The following ATE1 variants were observed in gnomAD, a reference collection of about 807,000 sequenced individuals.
ATE1 encodes the protein arginyltransferase 1, also known as arginyl-tRNA--protein transferase 1.
In ATE1, 36 loss-of-function variants were observed where a neutral mutation model predicts 70.5. The observed-to-expected ratio is 0.51, with a 90% CI of 0.39 to 0.67. The LOEUF is 0.67. Among genes scored for constraint, ATE1 ranks in the 30% least tolerant of loss-of-function variants. The pLI is 0.00. For synonymous variants in ATE1, 232 were observed against 219.3 expected, an observed-to-expected ratio of 1.06 and a Z score of -0.51; for missense variants, 593 against 629.5, an observed-to-expected ratio of 0.94 and a Z score of 0.62.
chr10:121,903,874 C>T (rs1362357167), intron 5 of ATE1, among the ~76,000 whole-genome samples: 1 of 151,762 alleles, frequency 6.6e-6, no homozygotes, highest in Non-Finnish European at 1.5e-5. Context: ...AATAAAAATA[C>T]TTAGAAAAAA....
At chr10:121,810,473 T>C (rs573993639) in intron 10 of ATE1, among the ~76,000 whole-genome samples, 3 of 152,232 alleles carry the variant, frequency 2.0e-5, no homozygotes, top group South Asian at 4.1e-4. Flanking sequence ...GGTTTCACCG[T>C]GTTAGCCAGG....
At chr10:121,923,324 G>T (rs1032645261) in intron 2 of ATE1, among the ~76,000 whole-genome samples, 10 of 152,160 alleles carry the variant, frequency 6.6e-5, no homozygotes, top group African/African-American at 2.4e-4. Flanking sequence ...AATTAGCCAG[G>T]TGTTGTGATG....
chr10:121,884,458 G>A (rs1032147097), intron 7 of ATE1, among the ~76,000 whole-genome samples: 9 of 151,846 alleles, frequency 5.9e-5, no homozygotes, highest in South Asian at 2.1e-4. Context: ...GTGTGGTGGC[G>A]TATGTCTGTA....
rs1007621036 is a variant in ATE1, at chr10:121,910,854, T to A, written c.583+52A>T. 1.2e-5 allele frequency: 20 copies of A among 1,610,788 alleles called. No homozygotes were observed. The African/African-American group carries it at 2.7e-4, about 22-fold the overall frequency. ...GGAAAGACCCAGGGTTTAAAATGACTCAGCAAAAAGCAAAGCCGTGAATAT... is the reference window on the plus strand; with the variant it reads ...GGAAAGACCCAGGGTTTAAAATGACACAGCAAAAAGCAAAGCCGTGAATAT... On this transcript the variant is annotated intron_variant, in intron 5 of 11. Transcript: ENST00000224652.
intron 8 of ATE1, among the ~76,000 whole-genome samples, chr10:121,861,955 A>G (rs1458576492): frequency 6.6e-6 from 1 of 152,064 alleles, no homozygotes; most frequent in Non-Finnish European, 1.5e-5. Flanking sequence ...CAGAGTGCCA[A>G]TTATTCTCTG....
chr10:121,896,816 T>C (rs982412820), intron 7 of ATE1, among the ~76,000 whole-genome samples: 2 of 123,198 alleles, frequency 1.6e-5, no homozygotes, highest in Non-Finnish European at 3.3e-5. Flanking sequence ...AGAGCAAGAC[T>C]TTGTCTCAAA....
rs541238689 is a variant in ATE1, at chr10:121,922,969, A to G, written c.171-558T>C. Among the ~76,000 whole-genome samples, 5 of 152,210 alleles carry G rather than the reference A, an allele frequency of 3.3e-5. No homozygotes were observed. In the South Asian group the frequency reaches 1.0e-3, roughly 32 times the overall value. ...CAAGCTTTCCTTCATTTTAAACCCT[A>G]TCCTAAATTGTCCCCTCTTCTCTAT... On this transcript the variant is annotated intron_variant, in intron 2 of 11. Transcript: ENST00000224652.
At chr10:121,755,339 G>A (rs747369499) in intron 11 of ATE1, among the ~76,000 whole-genome samples, 9 of 152,172 alleles carry the variant, frequency 5.9e-5, no homozygotes, top group Non-Finnish European at 7.4e-5. Context: ...AAGGACAGTG[G>A]TGCAATATAT....
At chr10:121,772,628 T>A (rs1009559266) in intron 11 of ATE1, among the ~76,000 whole-genome samples, 11 of 152,148 alleles carry the variant, frequency 7.2e-5, no homozygotes, top group African/African-American at 2.7e-4. Context: ...AGAAACAAAG[T>A]CACGTCATGC....
chr10:121,874,317 C>T (rs1272564700), intron 7 of ATE1, among the ~76,000 whole-genome samples: 1 of 152,102 alleles, frequency 6.6e-6, no homozygotes, highest in African/African-American at 2.4e-5. Flanking sequence ...GCAGTGCAAA[C>T]TAGGTTTTAT....
intron 11 of ATE1, among the ~76,000 whole-genome samples, chr10:121,769,542 A>T (rs1945414615): frequency 6.6e-6 from 1 of 152,238 alleles, no homozygotes; most frequent in Non-Finnish European, 1.5e-5. Flanking sequence ...AAAAATTTTT[A>T]AATTGATACC....
intron 10 of ATE1, among the ~76,000 whole-genome samples, chr10:121,817,565 C>T (rs1204297012): frequency 1.3e-5 from 2 of 151,474 alleles, no homozygotes; most frequent in East Asian, 3.9e-4. Flanking sequence ...AGCTCAAATC[C>T]CCTCTCTACA....
intron 5 of ATE1, among the ~76,000 whole-genome samples, chr10:121,907,642 G>A (rs887033269): frequency 5.9e-5 from 9 of 151,534 alleles, no homozygotes; most frequent in Admixed American, 2.0e-4. Flanking sequence ...GGTGGTGGGC[G>A]CCTGTAGTCC....
intron 11 of ATE1, among the ~76,000 whole-genome samples, chr10:121,763,304 C>T (rs555507993): frequency 2.0e-5 from 3 of 152,122 alleles, no homozygotes; most frequent in African/African-American, 7.2e-5. Context: ...CAAAAATACA[C>T]AAAAAATGTT....
chr10:121,890,415 G>A (rs1421013482), intron 7 of ATE1, among the ~76,000 whole-genome samples: 1 of 152,120 alleles, frequency 6.6e-6, no homozygotes, highest in Non-Finnish European at 1.5e-5. Flanking sequence ...TATAATGGAT[G>A]TTAAAATGAC....
intron 7 of ATE1, chr10:121,898,883 C>T: frequency 6.2e-7 from 1 of 1,613,922 alleles, no homozygotes; most frequent in Non-Finnish European, 8.5e-7. Context: ...GGTGTATGGC[C>T]ACTTGATACT....
At chr10:121,856,242 A>T (rs765730372) in intron 8 of ATE1, among the ~76,000 whole-genome samples, 2 of 152,116 alleles carry the variant, frequency 1.3e-5, no homozygotes, top group African/African-American at 4.8e-5. Context: ...TAATACAGGC[A>T]TACCTGGCCG....
intron 3 of ATE1, 25 bp from the exon 4 acceptor site, chr10:121,913,918 A>C: frequency 1.3e-6 from 2 of 1,559,040 alleles, no homozygotes; most frequent in Non-Finnish European, 1.8e-6. Context: ...TAAATATTTA[A>C]AAAGTGAACT....
intron 11 of ATE1, among the ~76,000 whole-genome samples, chr10:121,763,236 G>A (rs1231483853): frequency 6.6e-6 from 1 of 152,162 alleles, no homozygotes; most frequent in East Asian, 1.9e-4. Flanking sequence ...ATAACCATAT[G>A]ATCTAGTAAT....
Sources: gnomAD v4.1 joint callset for allele counts (sites outside exome capture counted in the v4.1 genomes callset) on GRCh38, gnomAD v4.1.1 for gene constraint, MANE v1.5 for transcripts, NCBI Gene and HGNC (gene_info 2026-07-23, HGNC 2026-07-21) for gene names.